Variants in DNAJC15 observed in about 807,000 individuals in gnomAD.
DNAJC15 encodes the protein dnaJ homolog subfamily C member 15.
A neutral mutation model predicts 22.4 loss-of-function variants in DNAJC15; 27 were observed. That is an observed-to-expected ratio of 1.20 (90% CI 0.89 to 1.66). The LOEUF is 1.66. Ranked by LOEUF, DNAJC15 falls within the 40% of genes most tolerant of loss-of-function variation. DNAJC15 has a pLI of 0.00. For synonymous variants in DNAJC15, 79 were observed against 63.2 expected (o/e 1.25, Z -1.19); for missense variants, 208 against 187.1 (o/e 1.11, Z -0.65).
chr13:43,087,905 A>G (rs547858661), intron 5 of DNAJC15, among the ~76,000 whole-genome samples: 2 of 152,214 alleles, frequency 1.3e-5, no homozygotes, highest in Admixed American at 6.5e-5. Context: ...TTCTTTTTCA[A>G]TGTAGTGAGA....
chr13:43,096,025 C>CT lies in DNAJC15; in HGVS notation c.382+10197dup, dbSNP rs374069728. 2.6e-3 allele frequency among the ~76,000 whole-genome samples: 381 copies of CT among 147,498 alleles called. 6 individuals are homozygous for CT. The highest frequency in any genetic ancestry group is 0.016 in the Admixed American group (242 of 14,786). Reference sequence around the variant, plus strand: ...GTTTTTTGTTTTATTTTGCTTTTTACTTTTTTTTTTAATTATAAAAGCTTG... The same window carrying CT: ...GTTTTTTGTTTTATTTTGCTTTTTACTTTTTTTTTTTAATTATAAAAGCTTG... On this transcript the variant is annotated intron_variant, in intron 5 of 5. Transcript: ENST00000379221.
chr13:43,026,376 C>T (rs969479841), intron 1 of DNAJC15, among the ~76,000 whole-genome samples: 77 of 152,186 alleles, frequency 5.1e-4, no homozygotes, highest in Admixed American at 9.8e-4. Context: ...AGGACTTCTA[C>T]GATCAATGGT....
chr13:43,050,139 C>G (rs1390637059), intron 1 of DNAJC15, among the ~76,000 whole-genome samples: 1 of 152,074 alleles, frequency 6.6e-6, no homozygotes, highest in African/African-American at 2.4e-5. Flanking sequence ...AGGCTGGTCT[C>G]GAATTCCTGA....
chr13:43,060,504 G>A (rs946081646), intron 1 of DNAJC15, among the ~76,000 whole-genome samples: 14 of 152,232 alleles, frequency 9.2e-5, no homozygotes, highest in African/African-American at 3.4e-4. Flanking sequence ...TTGCTTGGTT[G>A]GCGAGTTTTT....
At chr13:43,086,642 G>A (rs879051) in intron 5 of DNAJC15, among the ~76,000 whole-genome samples, 2 of 151,688 alleles carry the variant, frequency 1.3e-5, no homozygotes, top group African/African-American at 2.4e-5. Context: ...AGTTTTTTTC[G>A]CTAAGCATCA....
At chr13:43,084,042 A>G (rs914391840) in intron 4 of DNAJC15, among the ~76,000 whole-genome samples, 5 of 152,226 alleles carry the variant, frequency 3.3e-5, no homozygotes, top group African/African-American at 7.2e-5. Flanking sequence ...ACTGCCAAAG[A>G]CTAGAACAAT....
intron 2 of DNAJC15, among the ~76,000 whole-genome samples, chr13:43,068,417 T>C (rs2040593160): frequency 6.6e-6 from 1 of 152,116 alleles, no homozygotes; most frequent in African/African-American, 2.4e-5. Context: ...CCTTGGTAAG[T>C]ATTTCATATG....
intron 1 of DNAJC15, among the ~76,000 whole-genome samples, chr13:43,053,819 G>A (rs1409111462): frequency 6.6e-6 from 1 of 152,184 alleles, no homozygotes; most frequent in Admixed American, 6.5e-5. Context: ...GTTTGAAGGA[G>A]TCTTCAGGGT....
chr13:43,059,543 T>C (rs2040548156), intron 1 of DNAJC15, among the ~76,000 whole-genome samples: 1 of 152,196 alleles, frequency 6.6e-6, no homozygotes, highest in Non-Finnish European at 1.5e-5. Flanking sequence ...TTTGTACTTT[T>C]AGTAGAGCCA....
intron 1 of DNAJC15, among the ~76,000 whole-genome samples, chr13:43,032,096 G>A (rs1476431843): frequency 1.3e-5 from 2 of 152,210 alleles, no homozygotes; most frequent in Non-Finnish European, 2.9e-5. Flanking sequence ...TTCAGGGGGA[G>A]CTGGAGCCAC....
chr13:43,058,745 C>G (rs562191583), intron 1 of DNAJC15, among the ~76,000 whole-genome samples: 1 of 152,198 alleles, frequency 6.6e-6, no homozygotes, highest in Non-Finnish European at 1.5e-5. Context: ...GCAACCCTCC[C>G]GAAGGACCCC....
chr13:43,070,656 T>A (rs1480616468), intron 3 of DNAJC15, among the ~76,000 whole-genome samples: 2 of 152,130 alleles, frequency 1.3e-5, no homozygotes, highest in Non-Finnish European at 2.9e-5. Context: ...GTGGGATCAC[T>A]GCAAAGGTCC....
intron 5 of DNAJC15, among the ~76,000 whole-genome samples, chr13:43,093,716 A>G (rs1593329878): frequency 6.6e-6 from 1 of 152,212 alleles, no homozygotes; most frequent in South Asian, 2.1e-4. Flanking sequence ...TGCTGGCCTA[A>G]AACTGAGAAA....
chr13:43,025,178 C>T (rs1304252212), intron 1 of DNAJC15, among the ~76,000 whole-genome samples: 2 of 152,096 alleles, frequency 1.3e-5, no homozygotes, highest in African/African-American at 4.8e-5. Context: ...TCCCTTATGA[C>T]TTGCTGACTC....
chr13:43,076,805 C>A (rs542678058), intron 3 of DNAJC15, among the ~76,000 whole-genome samples: 1 of 152,316 alleles, frequency 6.6e-6, no homozygotes, highest in African/African-American at 2.4e-5. Flanking sequence ...TCACTTTCTG[C>A]AGCTCTTCTC....
intron 2 of DNAJC15, 22 bp from the exon 3 acceptor site, chr13:43,068,908 T>A: frequency 6.2e-7 from 1 of 1,603,146 alleles, no homozygotes; most frequent in East Asian, 2.2e-5. Context: ...ATACATTTGC[T>A]TTTATTCCCT....
chr13:43,095,337 G>A (rs74063443), intron 5 of DNAJC15, among the ~76,000 whole-genome samples: 2,534 of 152,238 alleles, frequency 0.017, 81 homozygotes, highest in East Asian at 0.1. Flanking sequence ...GGTAGATGGT[G>A]GAGCTATTTA....
chr13:43,029,289 C>T (rs865915696), intron 1 of DNAJC15, among the ~76,000 whole-genome samples: 19 of 152,314 alleles, frequency 1.2e-4, no homozygotes, highest in South Asian at 2.1e-4. Context: ...GAATAGTCTA[C>T]GTCTTTCCTC....
chr13:43,036,245 A>C (rs1258730618), intron 1 of DNAJC15, among the ~76,000 whole-genome samples: 1 of 140,984 alleles, frequency 7.1e-6, no homozygotes, highest in Non-Finnish European at 1.5e-5. Flanking sequence ...AGCTCACTGC[A>C]CCTTCCACCT....
Sources: allele counts gnomAD v4.1 joint callset (sites outside exome capture counted in the v4.1 genomes callset), GRCh38; gene constraint gnomAD v4.1.1; transcripts MANE v1.5; gene names NCBI Gene and HGNC (gene_info 2026-07-23, HGNC 2026-07-21).